Variants in PDHX observed in about 807,000 individuals in gnomAD.
The protein encoded by PDHX is pyruvate dehydrogenase protein X component, mitochondrial.
Under a neutral mutation model 55.3 loss-of-function variants are expected in PDHX, and 33 were observed. The ratio of observed to expected loss-of-function variants is 0.60; its 90% CI spans 0.45 to 0.80. The LOEUF is 0.80. Ranked by LOEUF, PDHX falls within the 30% of genes least tolerant of loss-of-function variation. The pLI, the probability that PDHX is intolerant of heterozygous loss-of-function variation, is 0.00. For synonymous variants in PDHX, 226 were observed against 219.4 expected, an observed-to-expected ratio of 1.03 and a Z score of -0.27; for missense variants, 622 against 619.9, an observed-to-expected ratio of 1.00 and a Z score of -0.04.
In PDHX at chr11:34,995,790, T is replaced by G. The variant is rs1855846381; in HGVS notation, c.*618T>G. 6.5e-6 allele frequency: 1 copy of G among 152,958 alleles called. No homozygotes were observed. The highest frequency in any genetic ancestry group is 2.4e-5 in the African/African-American group (1 of 41,462). 9.5% of individuals were successfully genotyped at this position (152,958 alleles called of 1,614,324 possible). ...GGTTTCTATCTGTCTTGTTTTTCAC[T>G]TATATAACACTGTGAACTTCTAAAG... On this transcript the variant is annotated 3_prime_UTR_variant, in exon 11 of 11. Coordinates refer to ENST00000227868, the MANE Select transcript of PDHX (RefSeq NM_003477.3).
chr11:34,963,028 T>C (rs80034080), intron 5 of PDHX, among the ~76,000 whole-genome samples: 15,322 of 152,102 alleles, frequency 0.1, 1,622 homozygotes, highest in African/African-American at 0.27. Context: ...GGCATCAGCC[T>C]TTGGTCTTCA....
At chr11:34,934,962 G>A (rs1195335147) in intron 2 of PDHX, among the ~76,000 whole-genome samples, 2 of 151,892 alleles carry the variant, frequency 1.3e-5, no homozygotes, top group East Asian at 3.9e-4. Context: ...TATAAGAGAT[G>A]TGAGATGAAA....
chr11:34,916,047 G>T, upstream of PDHX: 1 of 754,130 alleles, frequency 1.3e-6, no homozygotes, highest in Non-Finnish European at 2.1e-6. Context: ...ATCTCCTGGG[G>T]CCTCGCAGCC....
chr11:34,938,488 G>T (rs1854389656), intron 2 of PDHX, among the ~76,000 whole-genome samples: 1 of 152,162 alleles, frequency 6.6e-6, no homozygotes. Context: ...AATGTAATCA[G>T]TTGGAATGTG....
intron 2 of PDHX, among the ~76,000 whole-genome samples, chr11:34,935,189 AT>A (rs1259299301): frequency 1.3e-5 from 2 of 151,768 alleles, no homozygotes; most frequent in African/African-American, 4.8e-5. Context: ...TTTTTAATAT[AT>A]TTTTTAAAGG....
intron 1 of PDHX, among the ~76,000 whole-genome samples, chr11:34,926,138 G>A (rs1854014293): frequency 6.6e-6 from 1 of 152,142 alleles, no homozygotes; most frequent in Admixed American, 6.6e-5. Context: ...TTTGAACAAA[G>A]AAGACTTATA....
chr11:34,958,250 T>C (rs1406329184), intron 4 of PDHX, among the ~76,000 whole-genome samples: 1 of 152,178 alleles, frequency 6.6e-6, no homozygotes, highest in Admixed American at 6.5e-5. Context: ...AAACATTTTT[T>C]CCTTTAGTTT....
chr11:34,935,114 T>C lies in PDHX; in HGVS notation c.241+3630T>C, dbSNP rs1358556925. 2.6e-5 allele frequency among the ~76,000 whole-genome samples: 4 copies of C among 152,056 alleles called. No individual in the cohort carries two copies. In the East Asian group the frequency reaches 7.7e-4, roughly 29 times the overall value. ...TTGTATAAGTGAGGTAAAAGGTATA[T>C]GTGGCTTCATTGCCTTTCCTTACCA... is the stretch of plus-strand genomic sequence containing the variant. On this transcript the variant is annotated intron_variant, in intron 2 of 10. Transcript: ENST00000227868.
chr11:34,930,701 C>T (rs1371865862), intron 1 of PDHX, among the ~76,000 whole-genome samples: 9 of 152,138 alleles, frequency 5.9e-5, no homozygotes, highest in African/African-American at 1.4e-4. Flanking sequence ...TTTGCTTTTT[C>T]GATACCTAAG....
intron 8 of PDHX, among the ~76,000 whole-genome samples, chr11:34,984,316 A>G (rs1855593043): frequency 6.6e-6 from 1 of 152,262 alleles, no homozygotes. Context: ...CCACCATGAT[A>G]TAAAGGATCA....
chr11:34,986,325 AAG>A (rs929317976), intron 9 of PDHX, among the ~76,000 whole-genome samples: 4 of 151,844 alleles, frequency 2.6e-5, no homozygotes, highest in East Asian at 1.9e-4. Flanking sequence ...AAAAAAAAAA[AAG>A]AAAGGTAGCG....
At chr11:34,924,565 GA>G (rs1403148688) in intron 1 of PDHX, among the ~76,000 whole-genome samples, 2 of 152,136 alleles carry the variant, frequency 1.3e-5, no homozygotes, top group Non-Finnish European at 2.9e-5. Context: ...CCATTTTAGA[GA>G]AGAGGAAACA....
At chr11:34,950,839 T>C in intron 3 of PDHX, among the ~76,000 whole-genome samples, 1 of 151,188 alleles carries the variant, frequency 6.6e-6, no homozygotes, top group Non-Finnish European at 1.5e-5. Flanking sequence ...TAAACATACA[T>C]GTGCATGTGT....
At chr11:34,981,281 G>A (rs531533402) in intron 8 of PDHX, among the ~76,000 whole-genome samples, 11 of 152,190 alleles carry the variant, frequency 7.2e-5, no homozygotes, top group South Asian at 2.1e-4. Flanking sequence ...GTAGTTTGCC[G>A]AGAATGATGG....
chr11:34,992,412 C>G, intron 10 of PDHX, 33 bp downstream of exon 10: 1 of 1,087,596 alleles, frequency 9.2e-7, no homozygotes, highest in Non-Finnish European at 1.4e-6. Context: ...TCCATAGCAT[C>G]AAACAGATAG....
At chr11:34,984,866 T>C (rs1361309736) in intron 9 of PDHX, 138 bp downstream of exon 9, 2 of 812,466 alleles carry the variant, frequency 2.5e-6, no homozygotes, top group African/African-American at 3.4e-5. Context: ...CATCAAGTGA[T>C]TGTCACATAT....
At chr11:34,916,155 C>T, upstream of PDHX, 1 of 1,554,908 alleles carries the variant, frequency 6.4e-7, no homozygotes, top group Non-Finnish European at 8.7e-7. Context: ...TACCCTGCGC[C>T]CAGCTCCAGC....
In PDHX at chr11:34,947,590, T is replaced by C; in HGVS notation, c.326T>C (p.Ile109Thr). 1 of 1,609,496 alleles carries C rather than the reference T, an allele frequency of 6.2e-7. No individual in the cohort carries two copies. Among genetic ancestry groups the C allele is most frequent in the Non-Finnish European group, 8.5e-7 (1 of 1,175,796 alleles). Reference protein sequence around the residue: ...VVTLDASDDGILAKIVVEEGS... With the variant: ...VVTLDASDDGTLAKIVVEEGS... ...ACCTTAGATGCAAGTGATGATGGAA[T>C]CTTGGCCAAAATCGTGGTAAGTTTT... Residue 109 changes from isoleucine (I) to threonine (T), a missense_variant, in exon 3 of 11, where the codon ATC becomes ACC. Coordinates refer to ENST00000227868, the MANE Select transcript of PDHX (RefSeq NM_003477.3).
chr11:34,986,284 T>A (rs915943879), intron 9 of PDHX, among the ~76,000 whole-genome samples: 1 of 140,636 alleles, frequency 7.1e-6, no homozygotes, highest in South Asian at 2.2e-4. Flanking sequence ...GCAGCCTGGA[T>A]GACAGAGCAA....
Sources: allele counts gnomAD v4.1 joint callset (sites outside exome capture counted in the v4.1 genomes callset), GRCh38; gene constraint gnomAD v4.1.1; transcripts MANE v1.5; gene names NCBI Gene and HGNC (gene_info 2026-07-23, HGNC 2026-07-21).